Variants in SLC25A46 observed in about 807,000 individuals in gnomAD.
The protein encoded by SLC25A46 is mitochondrial outer membrane protein SLC25A46.
A neutral mutation model predicts 44.6 loss-of-function variants in SLC25A46; 39 were observed. That is an observed-to-expected ratio of 0.87 (90% CI 0.68 to 1.14). The LOEUF (loss-of-function observed/expected upper bound fraction) is 1.14, where lower values mean the gene tolerates loss of function less well. Among genes scored for constraint, SLC25A46 ranks in the 50% most tolerant of loss-of-function variants. The probability of loss-of-function intolerance (pLI) is 0.00; values close to 1 mark genes in which losing one functional copy is unlikely to be tolerated. For missense variants in SLC25A46, 547 were observed against 522.7 expected, an observed-to-expected ratio of 1.05 and a Z score of -0.45; for synonymous variants, 202 against 185.8, an observed-to-expected ratio of 1.09 and a Z score of -0.71.
chr5:110,746,341 A>C lies in SLC25A46; in HGVS notation c.457A>C (p.Thr153Pro). Residue 153 changes from threonine to proline, a missense_variant, in exon 4 of 8, where the codon ACT becomes CCT. Physicochemically the swap from Thr to Pro is conservative, Grantham distance 38. Coordinates refer to ENST00000355943, the MANE Select transcript of SLC25A46 (RefSeq NM_138773.4). ...VINIMYSFNKTQGPRALWKGM... is the reference protein window; with the variant it reads ...VINIMYSFNKPQGPRALWKGM... ...CAATATTATGTACAGTTTCAACAAA[A>C]CTCAGGTGAGAATTTTGTCTGGATT... 6.3e-7 allele frequency: 1 copy of C among 1,581,724 alleles called. No homozygotes were observed. The highest frequency in any genetic ancestry group is 8.6e-7 in the Non-Finnish European group (1 of 1,167,920).
At chr5:110,758,391 A>G (rs897454063) in intron 7 of SLC25A46, among the ~76,000 whole-genome samples, 1 of 152,150 alleles carries the variant, frequency 6.6e-6, no homozygotes, top group African/African-American at 2.4e-5. Flanking sequence ...CTCCTTGGCA[A>G]TATATTAGTG....
chr5:110,738,697 G>T (rs1301539027), upstream of SLC25A46: 2 of 231,602 alleles, frequency 8.6e-6, no homozygotes, highest in South Asian at 5.3e-5. Context: ...GCTGTGACAT[G>T]GGGTATTTCT....
chr5:110,749,503 G>A (rs1487938477), intron 5 of SLC25A46, among the ~76,000 whole-genome samples: 3 of 148,894 alleles, frequency 2.0e-5, no homozygotes, highest in African/African-American at 7.4e-5. Context: ...TGTGTGTGTG[G>A]GAGCGGTGGG....
Position 110,761,205 on chromosome 5 carries a change from G to A in SLC25A46, c.680G>A (p.Ser227Asn), listed in dbSNP as rs1362084231. The A allele has an allele frequency of 1.3e-6, 2 of 1,584,182 alleles. No individual in the cohort carries two copies. The highest frequency in any genetic ancestry group is 1.7e-6 in the Non-Finnish European group (2 of 1,167,392). ...CTTATTTCATCATTTTTATTTCAGA[G>A]TGAGATAATTCGAGATAATACTGGC... ...YSASLIETVQ[S>N]EIIRDNTGIL... The change falls in exon 8 of 8, where the codon AGT becomes AAT. Residue 227 changes from serine (S) to asparagine (N), a missense_variant and splice_region_variant. Ser to Asn is a conservative substitution (Grantham distance 46). Transcript: ENST00000355943. The surrounding 1 kb of genome is among the most constrained non-coding windows in gnomAD (Gnocchi z 5.3).
Position 110,750,210 on chromosome 5 carries a change from G to A in SLC25A46, c.563+1947G>A, listed in dbSNP as rs888629947. ...GCTAAAACGTTTGAAACAAAACAAA[G>A]ATTAGAAAGGTCAGCAACATTTGGG... On this transcript the variant is annotated intron_variant, in intron 5 of 7. Coordinates refer to ENST00000355943, the MANE Select transcript of SLC25A46 (RefSeq NM_138773.4). Among the ~76,000 whole-genome samples the A allele has an allele frequency of 1.7e-4, 21 of 121,540 alleles. 1 individual carries two copies. The highest frequency in any genetic ancestry group is 4.4e-4 in the Admixed American group (6 of 13,588). 79.7% of individuals were successfully genotyped at this position (121,540 alleles called of 152,430 possible).
chr5:110,750,006 C>A (rs244413), intron 5 of SLC25A46, among the ~76,000 whole-genome samples: 8 of 151,982 alleles, frequency 5.3e-5, no homozygotes, highest in South Asian at 2.1e-4. Context: ...GAATTTTTTG[C>A]ATTGTTAAAG....
rs536991478 is a variant in SLC25A46 at position 110,739,270 on chromosome 5, G to T, written c.151G>T (p.Gly51Cys). The T allele has an allele frequency of 7.0e-6, 11 of 1,579,506 alleles. No individual in the cohort carries two copies. The South Asian group carries it at 1.3e-4, about 18-fold the overall frequency. Residue 51 changes from glycine (G) to cysteine (C), a missense_variant, in exon 1 of 8, where the codon GGC (glycine) becomes TGC (cysteine). By Grantham distance (159) the Gly-to-Cys change is radical. Transcript: ENST00000355943. Reference protein sequence around the residue: ...HWVTTPPDIPGSRNLHWGEKS... With the variant: ...HWVTTPPDIPCSRNLHWGEKS... The stretch of plus-strand genomic sequence containing the variant: ...GGTGACGACTCCCCCAGATATCCCC[G>T]GCAGCCGCAACCTGCACTGGGGCGA...
intron 5 of SLC25A46, chr5:110,754,158 T>C (rs771350915): frequency 2.0e-5 from 3 of 152,040 alleles, no homozygotes; most frequent in Admixed American, 6.6e-5. Flanking sequence ...CTCTGATGTA[T>C]GTATATGCTG....
In SLC25A46 at chr5:110,761,374, G is replaced by A. The variant is rs772739765; in HGVS notation, c.849G>A (p.Gln283=). 6.2e-7 allele frequency: 1 copy of A among 1,613,730 alleles called. No homozygotes were observed. The highest frequency in any genetic ancestry group is 2.2e-5 in the East Asian group (1 of 44,856). Residue 283 remains glutamine, a synonymous_variant, in exon 8 of 8, where the codon CAG becomes CAA. Coordinates refer to ENST00000355943, the MANE Select transcript of SLC25A46 (RefSeq NM_138773.4). This position sits in a 1 kb window ranked among gnomAD's most constrained non-coding sequence, Gnocchi z 5.3. ...ATTACATCATCAGCTCAGTTATTCA[G>A]AAGTTTGTCCTACTAATTCTAAAGA... is the stretch of plus-strand genomic sequence containing the variant. ...VLHYIISSVI[Q]KFVLLILKRK...
At position 110,761,930 on chromosome 5, in the gene SLC25A46, G is replaced by T. The variant is rs556901101; in HGVS notation, c.*148G>T. The T allele has an allele frequency of 1.1e-4, 69 of 652,934 alleles. No individual in the cohort carries two copies. In the African/African-American group the frequency reaches 1.2e-3, roughly 11 times the overall value. The allele number at this position is 652,934 out of a possible 1,614,324, so 40.4% of individuals were successfully genotyped here. ...AGCCCATACTGATTATCTTGACTTTGTTTTTTAAGGCATAGGTATATATTT... is the reference window on the plus strand; with the variant it reads ...AGCCCATACTGATTATCTTGACTTTTTTTTTTAAGGCATAGGTATATATTT... On this transcript the variant is annotated 3_prime_UTR_variant, in exon 8 of 8. Coordinates refer to ENST00000355943, the MANE Select transcript of SLC25A46 (RefSeq NM_138773.4). The surrounding 1 kb of genome is among the most constrained non-coding windows in gnomAD (Gnocchi z 5.3).
At chr5:110,758,300 A>G (rs1800163814) in intron 7 of SLC25A46, among the ~76,000 whole-genome samples, 1 of 152,122 alleles carries the variant, frequency 6.6e-6, no homozygotes, top group Non-Finnish European at 1.5e-5. Context: ...CTCTAATCTC[A>G]TGTGAGTTAA....
chr5:110,761,995 T>TAA lies in SLC25A46; in HGVS notation c.*214_*215dup. 1 of 465,502 alleles carries TAA rather than the reference T, an allele frequency of 2.1e-6. No individual in the cohort carries two copies. The highest frequency in any genetic ancestry group is 3.8e-6 in the Non-Finnish European group (1 of 263,162). The allele number at this position is 465,502 out of a possible 1,614,324, so 28.8% of individuals were successfully genotyped here. A position where few individuals can be genotyped will look rare whatever the true frequency, so the allele number is the denominator to read the frequency against. ...TCCAAATTTGAAAACTCAATAAAAATAACACTTATTAAATTCTAGTTAGTG... is the reference window on the plus strand; with the variant it reads ...TCCAAATTTGAAAACTCAATAAAAATAAAACACTTATTAAATTCTAGTTAGTG... On this transcript the variant is annotated 3_prime_UTR_variant, in exon 8 of 8. Coordinates refer to ENST00000355943, the MANE Select transcript of SLC25A46 (RefSeq NM_138773.4). The surrounding 1 kb of genome is among the most constrained non-coding windows in gnomAD (Gnocchi z 5.3).
At chr5:110,758,402 A>T (rs886960360) in intron 7 of SLC25A46, among the ~76,000 whole-genome samples, 2 of 152,112 alleles carry the variant, frequency 1.3e-5, no homozygotes, top group African/African-American at 4.8e-5. Context: ...TATATTAGTG[A>T]TACTATTGTT....
intron 1 of SLC25A46, among the ~76,000 whole-genome samples, chr5:110,740,845 G>C (rs544174802): frequency 2.0e-5 from 3 of 152,152 alleles, no homozygotes; most frequent in Admixed American, 2.0e-4. Flanking sequence ...CCAGCTACTC[G>C]GGAGGCTGAG....
At chr5:110,746,986 A>G (rs564977700) in intron 4 of SLC25A46, among the ~76,000 whole-genome samples, 2 of 152,304 alleles carry the variant, frequency 1.3e-5, no homozygotes, top group African/African-American at 4.8e-5. Flanking sequence ...AGAACTGCAC[A>G]CTACTAGATC....
intron 5 of SLC25A46, among the ~76,000 whole-genome samples, chr5:110,749,035 G>T (rs546125023): frequency 1.3e-5 from 2 of 152,256 alleles, no homozygotes; most frequent in South Asian, 4.1e-4. Context: ...GGCTGAGAAG[G>T]TTCTGAACTG....
At chr5:110,741,952 T>G in intron 1 of SLC25A46, 95 bp from the exon 2 acceptor site, 1 of 847,110 alleles carries the variant, frequency 1.2e-6, no homozygotes, top group Non-Finnish European at 1.9e-6. Context: ...GTTAATAAAA[T>G]AAATTTTTTA....
intron 3 of SLC25A46, among the ~76,000 whole-genome samples, chr5:110,745,033 A>G (rs1799781680): frequency 6.6e-6 from 1 of 152,202 alleles, no homozygotes; most frequent in South Asian, 2.1e-4. Context: ...GTAAGTACGA[A>G]AATACAGTTT....
chr5:110,761,994 AT>A lies in SLC25A46; in HGVS notation c.*213del, dbSNP rs1302755790. 6.3e-6 allele frequency: 3 copies of A among 474,246 alleles called. No homozygotes were observed. The highest frequency in any genetic ancestry group is 3.8e-5 in the Admixed American group (1 of 26,662). 29.4% of individuals were successfully genotyped at this position (474,246 alleles called of 1,614,324 possible). A position where few individuals can be genotyped will look rare whatever the true frequency, so the allele number is the denominator to read the frequency against. On this transcript the variant is annotated 3_prime_UTR_variant, in exon 8 of 8. Transcript: ENST00000355943. The surrounding 1 kb of genome is among the most constrained non-coding windows in gnomAD (Gnocchi z 5.3). ...TTCCAAATTTGAAAACTCAATAAAA[AT>A]AACACTTATTAAATTCTAGTTAGTG...
Sources: gnomAD v4.1 joint callset for allele counts (sites outside exome capture counted in the v4.1 genomes callset) on GRCh38, gnomAD v4.1.1 for gene constraint, Gnocchi (gnomAD v3.1) non-coding constraint, MANE v1.5 for transcripts, NCBI Gene and HGNC (gene_info 2026-07-23, HGNC 2026-07-21) for gene names.